Variants in SLC7A7 observed in about 807,000 individuals in gnomAD.
The protein encoded by SLC7A7 is Y+L amino acid transporter 1.
A neutral mutation model predicts 47.9 loss-of-function variants in SLC7A7; 39 were observed. That is an observed-to-expected ratio of 0.81 (90% CI 0.63 to 1.06). The LOEUF is 1.06. Among genes scored for constraint, SLC7A7 ranks in the 50% least tolerant of loss-of-function variants. The probability of loss-of-function intolerance (pLI) is 0.00; values close to 1 mark genes in which losing one functional copy is unlikely to be tolerated. For missense variants in SLC7A7, 588 were observed against 632.0 expected, an observed-to-expected ratio of 0.93 and a Z score of 0.75; for synonymous variants, 234 against 242.8, an observed-to-expected ratio of 0.96 and a Z score of 0.34.
intron 2 of SLC7A7, among the ~76,000 whole-genome samples, chr14:22,807,048 C>T (rs1256615961): frequency 6.6e-6 from 1 of 152,122 alleles, no homozygotes; most frequent in African/African-American, 2.4e-5. Flanking sequence ...CAGGCTCCTG[C>T]CACCATGCCC....
At chr14:22,800,929 G>A (rs1475188303) in intron 2 of SLC7A7, among the ~76,000 whole-genome samples, 4 of 151,848 alleles carry the variant, frequency 2.6e-5, no homozygotes, top group Non-Finnish European at 5.9e-5. Context: ...ACCGGAGCAA[G>A]ACTCCACCTC....
chr14:22,807,083 T>C (rs2039225715), intron 2 of SLC7A7, among the ~76,000 whole-genome samples: 3 of 152,000 alleles, frequency 2.0e-5, no homozygotes, highest in Non-Finnish European at 4.4e-5. Flanking sequence ...GTATTTTTAG[T>C]AAAGACGGGA....
At chr14:22,811,040 T>G (rs1362629782) in intron 2 of SLC7A7, among the ~76,000 whole-genome samples, 1 of 151,444 alleles carries the variant, frequency 6.6e-6, no homozygotes, top group Non-Finnish European at 1.5e-5. Context: ...CTTCCACCCC[T>G]CCCTGACTGT....
At chr14:22,802,112 T>C (rs901625633) in intron 2 of SLC7A7, among the ~76,000 whole-genome samples, 2 of 152,160 alleles carry the variant, frequency 1.3e-5, no homozygotes, top group African/African-American at 4.8e-5. Context: ...AGACTATTTA[T>C]TGAGGGCCGG....
At chr14:22,789,728 T>C (rs1169908084) in intron 2 of SLC7A7, among the ~76,000 whole-genome samples, 1 of 151,512 alleles carries the variant, frequency 6.6e-6, no homozygotes, top group African/African-American at 2.4e-5. Flanking sequence ...GTGGGCCCAA[T>C]GTAATCACAA....
intron 2 of SLC7A7, among the ~76,000 whole-genome samples, chr14:22,793,251 C>T (rs914175946): frequency 6.6e-6 from 1 of 152,134 alleles, no homozygotes; most frequent in Admixed American, 6.5e-5. Context: ...ACAACCAATT[C>T]GCTTACTCAG....
At chr14:22,791,515 G>T (rs1475713764) in intron 2 of SLC7A7, among the ~76,000 whole-genome samples, 2 of 152,134 alleles carry the variant, frequency 1.3e-5, no homozygotes, top group African/African-American at 4.8e-5. Context: ...AGGCTTAATT[G>T]GTGTGAGCAA....
At chr14:22,789,557 G>A (rs1397467626) in intron 2 of SLC7A7, among the ~76,000 whole-genome samples, 16 of 151,678 alleles carry the variant, frequency 1.1e-4, no homozygotes, top group African/African-American at 3.4e-4. Context: ...GAACCCAGGA[G>A]GCGGAGGTTG....
upstream of SLC7A7, chr14:22,815,857 G>T (rs1158704886): frequency 5.5e-6 from 2 of 366,344 alleles, no homozygotes; most frequent in South Asian, 2.0e-5. Context: ...AGGGAGGAAG[G>T]TTGCACAGTG....
chr14:22,799,078 ACCTGATTTCAC>A (rs1360704486), intron 2 of SLC7A7, among the ~76,000 whole-genome samples: 1 of 151,962 alleles, frequency 6.6e-6, no homozygotes. Flanking sequence ...TATTTCTGAA[ACCTGATTTCAC>A]CCTCACTGCC....
intron 1 of SLC7A7, among the ~76,000 whole-genome samples, chr14:22,813,773 C>A (rs1399041429): frequency 6.7e-6 from 1 of 150,018 alleles, no homozygotes; most frequent in Non-Finnish European, 1.5e-5. Context: ...CAGGCACCTG[C>A]CACCACGCGT....
chr14:22,800,177 AACTC>A (rs1198771328), intron 2 of SLC7A7, among the ~76,000 whole-genome samples: 5 of 152,272 alleles, frequency 3.3e-5, no homozygotes, highest in African/African-American at 1.2e-4. Flanking sequence ...ATCTTTCTTA[AACTC>A]ACAAATTCTA....
At chr14:22,796,863 G>A (rs2039029929) in intron 2 of SLC7A7, among the ~76,000 whole-genome samples, 1 of 152,116 alleles carries the variant, frequency 6.6e-6, no homozygotes, top group African/African-American at 2.4e-5. Context: ...AGAAAGAAAA[G>A]GCTCAGCCCT....
At chr14:22,818,730 A>G (rs2039439786), upstream of SLC7A7, among the ~76,000 whole-genome samples, 2 of 151,660 alleles carry the variant, frequency 1.3e-5, no homozygotes, top group African/African-American at 4.9e-5. Context: ...AGTAGCTGGG[A>G]TTACAGGTGC....
intron 2 of SLC7A7, among the ~76,000 whole-genome samples, chr14:22,798,343 A>C (rs2039053661): frequency 6.6e-6 from 1 of 152,062 alleles, no homozygotes; most frequent in Admixed American, 6.6e-5. Flanking sequence ...GAGAAGGAGA[A>C]GGAGAACAAG....
At chr14:22,817,380 C>T (rs770201885), upstream of SLC7A7, 12 of 173,252 alleles carry the variant, frequency 6.9e-5, no homozygotes, top group African/African-American at 2.4e-4. Flanking sequence ...TACTCTGTCG[C>T]CCAGGCTGGA....
chr14:22,812,056 T>C (rs1360524046), intron 2 of SLC7A7, among the ~76,000 whole-genome samples: 1 of 152,152 alleles, frequency 6.6e-6, no homozygotes, highest in Non-Finnish European at 1.5e-5. Flanking sequence ...AGTAGATCTG[T>C]AAGTAGAAAA....
chr14:22,795,076 C>CTTTTTTTTTTT (rs3076435), intron 2 of SLC7A7, among the ~76,000 whole-genome samples: 1 of 97,606 alleles, frequency 1.0e-5, no homozygotes, highest in African/African-American at 4.0e-5. Flanking sequence ...TTCTTTCTTT[C>CTTTTTTTTTTT]TTTTTTTTTT....
At chr14:22,792,758 G>C (rs2038944399) in intron 2 of SLC7A7, among the ~76,000 whole-genome samples, 2 of 150,826 alleles carry the variant, frequency 1.3e-5, no homozygotes, top group Non-Finnish European at 3.0e-5. Context: ...CTGGGAGTCT[G>C]AGAGAGGAGA....
Sources: allele counts gnomAD v4.1 joint callset (sites outside exome capture counted in the v4.1 genomes callset), GRCh38; gene constraint gnomAD v4.1.1; transcripts MANE v1.5; gene names NCBI Gene and HGNC (gene_info 2026-07-23, HGNC 2026-07-21).